Variants in HNRNPLL observed in about 807,000 individuals in gnomAD.
The protein encoded by HNRNPLL is heterogeneous nuclear ribonucleoprotein L-like.
HNRNPLL carries 25 observed loss-of-function variants against 67.1 expected under a neutral mutation model. The observed-to-expected ratio is 0.37, with a 90% confidence interval of 0.27 to 0.52. The LOEUF (loss-of-function observed/expected upper bound fraction) is 0.52, where lower values mean the gene tolerates loss of function less well. Among genes scored for constraint, HNRNPLL ranks in the 20% least tolerant of loss-of-function variants. HNRNPLL has a pLI of 0.90. For synonymous variants in HNRNPLL, 267 were observed against 241.7 expected (o/e 1.10, Z -0.97); for missense variants, 542 against 673.9 (o/e 0.80, Z 2.17).
intron 7 of HNRNPLL, among the ~76,000 whole-genome samples, chr2:38,576,183 TTTA>T (rs1303424173): frequency 2.4e-4 from 37 of 151,860 alleles, no homozygotes; most frequent in African/African-American, 8.5e-4. Flanking sequence ...TTGTCCTTCA[TTTA>T]TTCTTTCACA....
intron 6 of HNRNPLL, among the ~76,000 whole-genome samples, chr2:38,578,669 T>C (rs1034515875): frequency 1.3e-5 from 2 of 152,092 alleles, no homozygotes; most frequent in Admixed American, 6.6e-5. Flanking sequence ...AAATTCTCTT[T>C]ACATCATCTC....
At chr2:38,565,834 A>G (rs994611283) in intron 12 of HNRNPLL, 5 of 166,456 alleles carry the variant, frequency 3.0e-5, no homozygotes, top group African/African-American at 1.2e-4. Flanking sequence ...ATCCCCACAT[A>G]CCTATCACCC....
chr2:38,576,814 G>C (rs980564453), intron 7 of HNRNPLL, among the ~76,000 whole-genome samples: 4 of 151,812 alleles, frequency 2.6e-5, no homozygotes, highest in African/African-American at 4.8e-5. Flanking sequence ...AAAAACTAAA[G>C]AATATTTTCA....
At chr2:38,586,201 T>C (rs1341307826) in intron 2 of HNRNPLL, among the ~76,000 whole-genome samples, 1 of 152,144 alleles carries the variant, frequency 6.6e-6, no homozygotes, top group Non-Finnish European at 1.5e-5. Flanking sequence ...TTTTATACTT[T>C]CAGTAGAGAC....
chr2:38,564,109 A>ATT lies in HNRNPLL; in HGVS notation c.*71_*72dup. Reference sequence around the variant, plus strand: ...GGCAACATGAGATCAACCATTTTAGATTTTTTTTTAATGAAGTGTAGCTTT... The same window carrying ATT: ...GGCAACATGAGATCAACCATTTTAGATTTTTTTTTTTAATGAAGTGTAGCTTT... On this transcript the variant is annotated 3_prime_UTR_variant, in exon 13 of 13. Transcript: ENST00000449105. The ATT allele has an allele frequency of 5.5e-6, 5 of 901,092 alleles. No individual in the cohort carries two copies. The highest frequency in any genetic ancestry group is 2.8e-5 in the South Asian group (2 of 71,842). 55.8% of individuals were successfully genotyped at this position (901,092 alleles called of 1,614,324 possible). A position where few individuals can be genotyped will look rare whatever the true frequency, so the allele number is the denominator to read the frequency against.
intron 7 of HNRNPLL, 52 bp downstream of exon 7, chr2:38,577,409 A>G (rs375752796): frequency 1.9e-5 from 21 of 1,091,462 alleles, no homozygotes; most frequent in Admixed American, 5.2e-5. Context: ...TCAGAAATGC[A>G]GCAAGTCAAA....
chr2:38,575,235 T>A (rs1666253202), intron 7 of HNRNPLL, among the ~76,000 whole-genome samples: 1 of 151,734 alleles, frequency 6.6e-6, no homozygotes, highest in African/African-American at 2.4e-5. Flanking sequence ...TTATTTAAGA[T>A]AAGAAAAATC....
At chr2:38,582,265 T>G in intron 4 of HNRNPLL, 97 bp from the exon 5 acceptor site, 1 of 804,442 alleles carries the variant, frequency 1.2e-6, no homozygotes, top group South Asian at 1.5e-5. Flanking sequence ...AGTAGCTCTT[T>G]TACTTCTGGA....
At chr2:38,601,010 G>C (rs950586916) in intron 1 of HNRNPLL, among the ~76,000 whole-genome samples, 13 of 152,200 alleles carry the variant, frequency 8.5e-5, no homozygotes, top group African/African-American at 3.1e-4. Flanking sequence ...AAGATTTCTA[G>C]CAACGAGGTA....
intron 7 of HNRNPLL, 110 bp downstream of exon 7, chr2:38,577,351 C>A: frequency 1.4e-6 from 1 of 727,540 alleles, no homozygotes; most frequent in Non-Finnish European, 2.5e-6. Context: ...CCCATATAAA[C>A]CGAGGCAGAT....
At chr2:38,573,583 A>G in intron 7 of HNRNPLL, among the ~76,000 whole-genome samples, 156 bp from the exon 8 acceptor site, 1 of 151,980 alleles carries the variant, frequency 6.6e-6, no homozygotes, top group Non-Finnish European at 1.5e-5. Context: ...ATATTTCAGT[A>G]TAACCTGAGG....
intron 1 of HNRNPLL, among the ~76,000 whole-genome samples, chr2:38,601,250 C>A (rs1667418969): frequency 6.6e-6 from 1 of 152,194 alleles, no homozygotes; most frequent in Non-Finnish European, 1.5e-5. Flanking sequence ...GCAAAGTTTG[C>A]TCTCACATCC....
intron 6 of HNRNPLL, among the ~76,000 whole-genome samples, chr2:38,578,438 T>G (rs1270051399): frequency 3.9e-5 from 6 of 152,096 alleles, no homozygotes; most frequent in African/African-American, 1.2e-4. Context: ...AATAAGATTT[T>G]TAAAAATATG....
intron 12 of HNRNPLL, among the ~76,000 whole-genome samples, chr2:38,564,515 G>A (rs1179560964): frequency 6.6e-6 from 1 of 150,702 alleles, no homozygotes; most frequent in African/African-American, 2.4e-5. Context: ...AGCTACTCAG[G>A]AGGCTGAGGC....
At position 38,564,021 on chromosome 2, in the gene HNRNPLL, C is replaced by T. The variant is rs1356288667; in HGVS notation, c.*161G>A. 1.7e-6 allele frequency: 1 copy of T among 590,686 alleles called. No homozygotes were observed. Among genetic ancestry groups the T allele is most frequent in the Non-Finnish European group, 3.0e-6 (1 of 329,390 alleles). The allele number at this position is 590,686 out of a possible 1,614,324, so 36.6% of individuals were successfully genotyped here. On this transcript the variant is annotated 3_prime_UTR_variant, in exon 13 of 13. Coordinates refer to ENST00000449105, the MANE Select transcript of HNRNPLL (RefSeq NM_138394.4). ...AAATGAAAACAATTCAATATTTAAG[C>T]TTACAACAAATTTACTCAAGGCAAA... is the stretch of plus-strand genomic sequence containing the variant.
At chr2:38,576,556 C>G (rs1474463864) in intron 7 of HNRNPLL, among the ~76,000 whole-genome samples, 1 of 151,716 alleles carries the variant, frequency 6.6e-6, no homozygotes, top group Admixed American at 6.6e-5. Context: ...CACACACATA[C>G]ACAACACAAA....
intron 2 of HNRNPLL, among the ~76,000 whole-genome samples, chr2:38,591,032 C>A (rs893226946): frequency 1.3e-4 from 20 of 152,212 alleles, no homozygotes; most frequent in East Asian, 7.7e-4. Context: ...CAGCAATATG[C>A]ACATGAACAA....
chr2:38,573,362 G>T lies in HNRNPLL; in HGVS notation c.940C>A (p.Leu314Ile), dbSNP rs756370435. The T allele has an allele frequency of 6.2e-7, 1 of 1,612,656 alleles. No individual in the cohort carries two copies. The highest frequency in any genetic ancestry group is 1.7e-5 in the Admixed American group (1 of 59,828). The change falls in exon 8 of 13, where the codon CTT becomes ATT. Residue 314 changes from leucine to isoleucine, a missense_variant. Physicochemically the swap from Leu to Ile is conservative, Grantham distance 5. Transcript: ENST00000449105. ...GCCTGTGGTAATGGATAAGCAACAA[G>T]TTCAGGTGTATCTCGAGAGCCCATT... ...YRMGSRDTPE[L>I]VAYPLPQASS...
chr2:38,578,881 C>G (rs574723214), intron 6 of HNRNPLL, among the ~76,000 whole-genome samples: 1 of 152,050 alleles, frequency 6.6e-6, no homozygotes, highest in Non-Finnish European at 1.5e-5. Context: ...GACTGTCCCC[C>G]CGACCCCATT....
Sources: gnomAD v4.1 joint callset for allele counts (sites outside exome capture counted in the v4.1 genomes callset) on GRCh38, gnomAD v4.1.1 for gene constraint, MANE v1.5 for transcripts, NCBI Gene and HGNC (gene_info 2026-07-23, HGNC 2026-07-21) for gene names.